The following FIGNL2 variants were observed in gnomAD, a reference collection of about 807,000 sequenced individuals.
FIGNL2 encodes the protein fidgetin-like protein 2.
For missense variants in FIGNL2, 1,060 were observed against 950.2 expected (o/e 1.12, Z -1.52); for synonymous variants, 565 against 484.0 (o/e 1.17, Z -2.20).
intron 1 of FIGNL2, chr12:51,837,728 C>G (rs770798643): frequency 3.3e-5 from 5 of 152,348 alleles, no homozygotes; most frequent in African/African-American, 4.8e-5. Flanking sequence ...TAGGCAATAT[C>G]CAGGAACACA....
At chr12:51,826,471 TA>T (rs1420588888) in intron 1 of FIGNL2, among the ~76,000 whole-genome samples, 1 of 92,478 alleles carries the variant, frequency 1.1e-5, no homozygotes, top group Non-Finnish European at 2.3e-5. Context: ...GTACTAAAAA[TA>T]CAAAAAAAAA....
At chr12:51,834,002 TGGAC>T (rs1939523624) in intron 1 of FIGNL2, among the ~76,000 whole-genome samples, 1 of 148,904 alleles carries the variant, frequency 6.7e-6, no homozygotes, top group Admixed American at 6.7e-5. Context: ...GATGGATGAA[TGGAC>T]AGACAAATGG....
At chr12:51,844,880 G>A in intron 1 of FIGNL2, 1 of 985,378 alleles carries the variant, frequency 1.0e-6, no homozygotes, top group Non-Finnish European at 1.2e-6. Flanking sequence ...CTTGGTTCTG[G>A]CGGTCCTACT....
chr12:51,847,440 G>A (rs1939775283), intron 1 of FIGNL2: 1 of 985,464 alleles, frequency 1.0e-6, no homozygotes, highest in Non-Finnish European at 1.2e-6. Flanking sequence ...CAGCCCGTGC[G>A]GACAACACAA....
chr12:51,821,830 C>G lies in FIGNL2; in HGVS notation c.584G>C (p.Gly195Ala). Residue 195 changes from glycine (G) to alanine (A), a missense_variant, in exon 2 of 2, where the codon GGG (glycine) becomes GCG (alanine). Coordinates refer to ENST00000618634, the MANE Select transcript of FIGNL2 (RefSeq NM_001384995.1). ...GTACAGCGGCGCTGAGGGCCCGTAC[C>G]CCGGAGGCGGTGGGGGCTGCAGGAG... ...AALLQPPPPPGYGPSAPLYNY... is the reference protein window; with the variant it reads ...AALLQPPPPPAYGPSAPLYNY... The G allele has an allele frequency of 7.8e-7, 1 of 1,278,246 alleles. No individual in the cohort carries two copies. The highest frequency in any genetic ancestry group is 9.8e-7 in the Non-Finnish European group (1 of 1,016,164). 79.2% of individuals were successfully genotyped at this position (1,278,246 alleles called of 1,614,324 possible). A position where few individuals can be genotyped will look rare whatever the true frequency, so the allele number is the denominator to read the frequency against.
chr12:51,846,886 G>T, intron 1 of FIGNL2: 1 of 673,542 alleles, frequency 1.5e-6, no homozygotes, highest in Non-Finnish European at 1.8e-6. Context: ...GTCTGCCTTG[G>T]ATGCCAATGG....
chr12:51,820,442 C>G lies in FIGNL2; in HGVS notation c.*10G>C. ...GGGACTGCGGCTCCCGCGGCCTCCC[C>G]CGCGCGCCGTCAGTGTCCGGAGCCG... On this transcript the variant is annotated 3_prime_UTR_variant, in exon 2 of 2. Coordinates refer to ENST00000618634, the MANE Select transcript of FIGNL2 (RefSeq NM_001384995.1). The G allele has an allele frequency of 6.3e-7, 1 of 1,583,598 alleles. No individual in the cohort carries two copies. Among genetic ancestry groups the G allele is most frequent in the Non-Finnish European group, 8.5e-7 (1 of 1,173,204 alleles).
Position 51,817,970 on chromosome 12 carries a change from C to T in FIGNL2, c.*2482G>A, listed in dbSNP as rs1247819103. 1 of 152,484 alleles carries T rather than the reference C, an allele frequency of 6.6e-6. No individual in the cohort carries two copies. Among genetic ancestry groups the T allele is most frequent in the African/African-American group, 2.4e-5 (1 of 41,408 alleles). 9.4% of individuals were successfully genotyped at this position (152,484 alleles called of 1,614,324 possible). A position where few individuals can be genotyped will look rare whatever the true frequency, so the allele number is the denominator to read the frequency against. ...AGTCTCTTCTGAGGTAGACAGACCACAACTGCAGAGCATCGTCAGACAGGA... is the reference window on the plus strand; with the variant it reads ...AGTCTCTTCTGAGGTAGACAGACCATAACTGCAGAGCATCGTCAGACAGGA... On this transcript the variant is annotated 3_prime_UTR_variant, in exon 2 of 2. Coordinates refer to ENST00000618634, the MANE Select transcript of FIGNL2 (RefSeq NM_001384995.1).
chr12:51,822,544 AC>A, intron 1 of FIGNL2, 120 bp from the exon 2 acceptor site: 2 of 1,090,230 alleles, frequency 1.8e-6, no homozygotes, highest in Non-Finnish European at 2.7e-6. Context: ...TCCGGCATCC[AC>A]CACCTACCGC....
rs967139189 is a variant in FIGNL2 at position 51,821,058 on chromosome 12, C to G, written c.1356G>C (p.Thr452=). The G allele has an allele frequency of 4.6e-5, 57 of 1,239,366 alleles. No homozygotes were observed. The East Asian group carries it at 1.9e-3, about 42-fold the overall frequency. 76.8% of individuals were successfully genotyped at this position (1,239,366 alleles called of 1,614,324 possible). ...GGGTCGCGCCGCGCAGGCGCAACAG[C>G]GTGGCGCCCAGCTGCGTGGCGAGGC... ...GRCLATQLGA[T]LLRLRGATLA... Residue 452 remains threonine, a synonymous_variant, in exon 2 of 2, where the codon ACG becomes ACC. Transcript: ENST00000618634.
At chr12:51,837,098 G>T (rs1018171206) in intron 1 of FIGNL2, among the ~76,000 whole-genome samples, 3 of 152,126 alleles carry the variant, frequency 2.0e-5, no homozygotes, top group African/African-American at 7.2e-5. Context: ...AGGGGTGGGG[G>T]CCTGTGGGGA....
intron 1 of FIGNL2, chr12:51,846,893 A>G (rs1396504985): frequency 1.4e-6 from 1 of 731,406 alleles, no homozygotes; most frequent in African/African-American, 1.9e-5. Context: ...TTGGATGCCA[A>G]TGGAATCAAG....
At chr12:51,845,433 C>A in intron 1 of FIGNL2, 11 of 977,808 alleles carry the variant, frequency 1.1e-5, no homozygotes, top group Non-Finnish European at 1.3e-5. Flanking sequence ...ATGCCAGCAC[C>A]CCATACTTGA....
At chr12:51,831,763 C>G (rs1206397015) in intron 1 of FIGNL2, 1 of 154,438 alleles carries the variant, frequency 6.5e-6, no homozygotes, top group Non-Finnish European at 1.5e-5. Flanking sequence ...CTACCTGATC[C>G]ATTTCCCTCT....
Position 51,818,021 on chromosome 12 carries a change from C to A in FIGNL2, c.*2431G>T, listed in dbSNP as rs1239942917. 2 of 152,500 alleles carry A rather than the reference C, an allele frequency of 1.3e-5. No homozygotes were observed. The highest frequency in any genetic ancestry group is 2.9e-5 in the Non-Finnish European group (2 of 68,096). The allele number at this position is 152,500 out of a possible 1,614,324, so 9.4% of individuals were successfully genotyped here. A position where few individuals can be genotyped will look rare whatever the true frequency, so the allele number is the denominator to read the frequency against. ...GATAAATACGTCCATGTACAACACG[C>A]AGCAAAATGAGGTAGAAATGGTTAC... On this transcript the variant is annotated 3_prime_UTR_variant, in exon 2 of 2. Transcript: ENST00000618634.
At chr12:51,826,197 A>C (rs1939340046) in intron 1 of FIGNL2, among the ~76,000 whole-genome samples, 1 of 152,078 alleles carries the variant, frequency 6.6e-6, no homozygotes, top group Non-Finnish European at 1.5e-5. Flanking sequence ...TAGCTTGATT[A>C]ATTCTCATCT....
chr12:51,825,379 C>T (rs1021351864), intron 1 of FIGNL2, among the ~76,000 whole-genome samples: 5 of 152,278 alleles, frequency 3.3e-5, no homozygotes, highest in Non-Finnish European at 7.4e-5. Flanking sequence ...TTGGGCCAGG[C>T]TCCCTCTCAC....
At chr12:51,830,266 G>A (rs563857217) in intron 1 of FIGNL2, among the ~76,000 whole-genome samples, 101 of 151,038 alleles carry the variant, frequency 6.7e-4, no homozygotes, top group African/African-American at 2.3e-3. Flanking sequence ...TCCAGCCTGG[G>A]CAACAGAGCC....
rs1244037847 is a variant in FIGNL2 at position 51,827,025 on chromosome 12, CCAGGCCT to C, written c.-11-4608_-11-4602del. Among the ~76,000 whole-genome samples the C allele has an allele frequency of 4.6e-5, 7 of 152,372 alleles. No individual in the cohort carries two copies. In the East Asian group the frequency reaches 1.4e-3, roughly 29 times the overall value. ...ATGCTTCCTGACAGACCCAGGCCTG[CCAGGCCT>C]TGCCTTCCTCCCCTAGCCCGCTATA... is the stretch of plus-strand genomic sequence containing the variant. On this transcript the variant is annotated intron_variant, in intron 1 of 1. Transcript: ENST00000618634.
Sources: allele counts gnomAD v4.1 joint callset (sites outside exome capture counted in the v4.1 genomes callset), GRCh38; gene constraint gnomAD v4.1.1; transcripts MANE v1.5; gene names NCBI Gene and HGNC (gene_info 2026-07-23, HGNC 2026-07-21).